NTM: variants seen among roughly 807,000 people sequenced by gnomAD.
NTM encodes IgLON family member 2.
A neutral mutation model predicts 42.1 loss-of-function variants in NTM; 13 were observed. The ratio of observed to expected loss-of-function variants is 0.31; its 90% CI spans 0.20 to 0.49. The LOEUF (loss-of-function observed/expected upper bound fraction) is 0.49, where lower values mean the gene tolerates loss of function less well. Ranked by LOEUF, NTM falls within the 20% of genes least tolerant of loss-of-function variation. The probability of loss-of-function intolerance (pLI) is 0.99; values close to 1 mark genes in which losing one functional copy is unlikely to be tolerated. For synonymous variants in NTM, 187 were observed against 179.2 expected (o/e 1.04, Z -0.35); for missense variants, 373 against 452.8 (o/e 0.82, Z 1.60).
intron 1 of NTM, among the ~76,000 whole-genome samples, chr11:131,591,219 T>C (rs1391048526): frequency 1.3e-5 from 2 of 152,178 alleles, no homozygotes; most frequent in Non-Finnish European, 2.9e-5. Context: ...CTTCCCCATG[T>C]CACTCACTCA....
intron 2 of NTM, among the ~76,000 whole-genome samples, chr11:131,997,648 T>C (rs1565912118): frequency 6.6e-6 from 1 of 152,200 alleles, no homozygotes; most frequent in East Asian, 1.9e-4. Flanking sequence ...CTCCATTTTC[T>C]TTTCCTTTTT....
chr11:131,370,937 G>A (rs567962304), intron 1 of NTM, 49 bp downstream of exon 1: 2 of 1,606,278 alleles, frequency 1.2e-6, no homozygotes, highest in Admixed American at 1.7e-5. Context: ...GAATTGTACA[G>A]TGTGCTTTAT....
intron 1 of NTM, among the ~76,000 whole-genome samples, chr11:131,528,758 A>C (rs1414630285): frequency 6.6e-6 from 1 of 152,198 alleles, no homozygotes; most frequent in Non-Finnish European, 1.5e-5. Context: ...AAATGGGTGA[A>C]TGAGTGCTTG....
At chr11:131,842,596 A>G (rs908327972) in intron 1 of NTM, among the ~76,000 whole-genome samples, 1 of 152,252 alleles carries the variant, frequency 6.6e-6, no homozygotes, top group African/African-American at 2.4e-5. Flanking sequence ...GGACAAAAAA[A>G]TCTTGAACTG....
chr11:131,858,036 G>A (rs1009252226), intron 1 of NTM, among the ~76,000 whole-genome samples: 8 of 144,912 alleles, frequency 5.5e-5, no homozygotes, highest in Non-Finnish European at 1.1e-4. Flanking sequence ...TCCAGCCTCC[G>A]CCCCGCCCAT....
At chr11:132,210,471 T>C (rs762414553) in intron 3 of NTM, among the ~76,000 whole-genome samples, 18 of 152,204 alleles carry the variant, frequency 1.2e-4, no homozygotes, top group Admixed American at 4.6e-4. Flanking sequence ...TAACACATTG[T>C]TCAGGTCATC....
intron 2 of NTM, among the ~76,000 whole-genome samples, chr11:131,992,553 C>T (rs147363410): frequency 2.6e-5 from 4 of 152,088 alleles, no homozygotes; most frequent in Non-Finnish European, 4.4e-5. Flanking sequence ...TCAGGGACCT[C>T]AATTCTGCTG....
intron 1 of NTM, among the ~76,000 whole-genome samples, chr11:131,400,365 C>T (rs1331907637): frequency 6.6e-6 from 1 of 152,174 alleles, no homozygotes; most frequent in Non-Finnish European, 1.5e-5. Context: ...AAACACAAAG[C>T]ACCAGAGGAG....
Position 131,539,981 on chromosome 11 carries a change from G to A in NTM, c.82+169093G>A, listed in dbSNP as rs191211850. ...GGAACACACGAAGTTCCAGGCAGGCGGGCAGTTGGTCACCTTAGCTCCCAC... is the reference window on the plus strand; with the variant it reads ...GGAACACACGAAGTTCCAGGCAGGCAGGCAGTTGGTCACCTTAGCTCCCAC... On this transcript the variant is annotated intron_variant, in intron 1 of 8. Coordinates refer to ENST00000683400, the MANE Select transcript of NTM (RefSeq NM_001352005.2). 2.0e-4 allele frequency among the ~76,000 whole-genome samples: 31 copies of A among 152,158 alleles called. 1 individual carries two copies. Among genetic ancestry groups the A allele is most frequent in the African/African-American group, 1.4e-4 (6 of 41,526 alleles).
intron 4 of NTM, among the ~76,000 whole-genome samples, chr11:132,215,928 CCTT>C (rs2083760835): frequency 6.6e-6 from 1 of 152,188 alleles, no homozygotes; most frequent in Admixed American, 6.5e-5. Flanking sequence ...AAGCCGGAGT[CCTT>C]CTAAGTGCTA....
chr11:131,759,499 C>A (rs953656714), intron 1 of NTM, among the ~76,000 whole-genome samples: 1 of 152,112 alleles, frequency 6.6e-6, no homozygotes. Flanking sequence ...TCTTTCCTTA[C>A]CTCTTCTCTC....
intron 1 of NTM, among the ~76,000 whole-genome samples, chr11:131,884,659 G>A (rs2050097277): frequency 6.6e-6 from 1 of 152,026 alleles, no homozygotes; most frequent in African/African-American, 2.4e-5. Flanking sequence ...GGTCCCAGGG[G>A]AAACACCAAG....
intron 1 of NTM, among the ~76,000 whole-genome samples, chr11:131,428,779 A>T (rs1173224623): frequency 6.6e-6 from 1 of 151,974 alleles, no homozygotes; most frequent in East Asian, 1.9e-4. Flanking sequence ...TCACGCCTAT[A>T]ATCCCAGCAC....
At chr11:131,395,070 A>G (rs951062374) in intron 1 of NTM, among the ~76,000 whole-genome samples, 2 of 152,102 alleles carry the variant, frequency 1.3e-5, no homozygotes, top group African/African-American at 4.8e-5. Flanking sequence ...TTACTTGGCC[A>G]AGGTGGCAGT....
intron 4 of NTM, among the ~76,000 whole-genome samples, chr11:132,213,864 A>G (rs1387538326): frequency 8.9e-6 from 1 of 112,040 alleles, no homozygotes; most frequent in East Asian, 2.1e-4. Context: ...CCTCCCAAGT[A>G]GCTGGGACTA....
chr11:132,249,729 A>T (rs2091706023), intron 4 of NTM, among the ~76,000 whole-genome samples: 1 of 152,220 alleles, frequency 6.6e-6, no homozygotes, highest in Non-Finnish European at 1.5e-5. Context: ...TCTCACCCTG[A>T]TGTGGTGAAG....
intron 1 of NTM, among the ~76,000 whole-genome samples, chr11:131,582,557 A>ATT (rs55675738): frequency 0.32 from 48,370 of 151,134 alleles, 9,030 homozygotes; most frequent in East Asian, 0.45. Flanking sequence ...TGCTTTGTTA[A>ATT]TTTTTTTTAA....
At chr11:131,685,767 A>G (rs2073792549) in intron 1 of NTM, among the ~76,000 whole-genome samples, 1 of 152,214 alleles carries the variant, frequency 6.6e-6, no homozygotes, top group African/African-American at 2.4e-5. Context: ...ATCTACCTCC[A>G]CAAAAATAGA....
intron 1 of NTM, among the ~76,000 whole-genome samples, chr11:131,692,484 C>T (rs789532): frequency 0.11 from 16,843 of 152,266 alleles, 1,273 homozygotes; most frequent in Middle Eastern, 0.18. Flanking sequence ...CAAGCCTAGA[C>T]CATCTCCCAG....
Sources: gnomAD v4.1 joint callset for allele counts (sites outside exome capture counted in the v4.1 genomes callset) on GRCh38, gnomAD v4.1.1 for gene constraint, MANE v1.5 for transcripts, NCBI Gene and HGNC (gene_info 2026-07-23, HGNC 2026-07-21) for gene names.